The following USP25 variants were observed in gnomAD, a reference collection of about 807,000 sequenced individuals.
USP25 encodes the protein ubiquitin specific peptidase 25, also known as ubiquitin carboxyl-terminal hydrolase 25.
Under a neutral mutation model 158.5 loss-of-function variants are expected in USP25, and 85 were observed. That is an observed-to-expected ratio of 0.54 (90% CI 0.45 to 0.64). The LOEUF (loss-of-function observed/expected upper bound fraction) is 0.64, where lower values mean the gene tolerates loss of function less well. USP25 is among the 30% of genes least tolerant of loss of function. USP25 has a pLI of 0.00. For synonymous variants in USP25, 464 were observed against 460.4 expected (o/e 1.01, Z -0.10); for missense variants, 1,242 against 1,327.3 (o/e 0.94, Z 1.00).
chr21:15,757,229 T>A (rs2033440029), intron 1 of USP25, among the ~76,000 whole-genome samples: 1 of 152,188 alleles, frequency 6.6e-6, no homozygotes, highest in African/African-American at 2.4e-5. Flanking sequence ...TTCTCTAACT[T>A]AAACTTAGGA....
chr21:15,869,577 A>G (rs1452101043), intron 22 of USP25, among the ~76,000 whole-genome samples: 1 of 152,152 alleles, frequency 6.6e-6, no homozygotes, highest in Non-Finnish European at 1.5e-5. Flanking sequence ...TCGCCTACAC[A>G]CTTAAAGTCA....
chr21:15,759,867 A>AAAGATAATTTT (rs1268441499), intron 1 of USP25, among the ~76,000 whole-genome samples: 2 of 152,206 alleles, frequency 1.3e-5, no homozygotes, highest in African/African-American at 4.8e-5. Flanking sequence ...TGATAGGTTT[A>AAAGATAATTTT]AAGATAATTT....
Position 15,843,420 on chromosome 21 carries a change from G to T in USP25, c.2337+880G>T, listed in dbSNP as rs141912149. On this transcript the variant is annotated intron_variant, in intron 18 of 25. Coordinates refer to ENST00000400183, the MANE Select transcript of USP25 (RefSeq NM_001283041.3). The surrounding 1 kb of genome is among the most constrained non-coding windows in gnomAD (Gnocchi z 4.0). ...GCAATAACCTGCTAATTGCAATGAG[G>T]CCTTAAATATATAATAAGACTTCCT... Among the ~76,000 whole-genome samples the T allele has an allele frequency of 8.3e-3, 1,256 of 152,220 alleles. 10 individuals carry two copies. The highest frequency in any genetic ancestry group is 0.014 in the Non-Finnish European group (963 of 68,000).
intron 17 of USP25, among the ~76,000 whole-genome samples, chr21:15,836,134 A>C (rs912723169): frequency 1.3e-5 from 2 of 152,166 alleles, no homozygotes; most frequent in Non-Finnish European, 2.9e-5. Context: ...ACCAGTGACT[A>C]GTGGAAATAA....
chr21:15,850,057 C>A (rs1050923496), intron 20 of USP25, among the ~76,000 whole-genome samples, 185 bp downstream of exon 20: 1 of 151,952 alleles, frequency 6.6e-6, no homozygotes, highest in Non-Finnish European at 1.5e-5. Context: ...TTGTTTTTCT[C>A]TTAATCCAGG....
intron 1 of USP25, among the ~76,000 whole-genome samples, chr21:15,750,833 C>T (rs1478518857): frequency 1.3e-5 from 2 of 148,212 alleles, no homozygotes; most frequent in East Asian, 3.9e-4. Flanking sequence ...GTCTCAATCT[C>T]CTGACCTTGT....
intron 1 of USP25, among the ~76,000 whole-genome samples, chr21:15,760,953 C>T (rs1048153825): frequency 6.6e-6 from 1 of 152,198 alleles, no homozygotes; most frequent in Non-Finnish European, 1.5e-5. Context: ...TCTCAATATC[C>T]TGCATAACAT....
chr21:15,824,640 A>G (rs1225949023), intron 11 of USP25, among the ~76,000 whole-genome samples: 1 of 151,608 alleles, frequency 6.6e-6, no homozygotes, highest in Non-Finnish European at 1.5e-5. Context: ...GTTTTGAGAC[A>G]GAGTCTTGCT....
At position 15,824,953 on chromosome 21, in the gene USP25, C is replaced by CT. The variant is rs1027313003; in HGVS notation, c.1209-8dup. 1 of 1,593,468 alleles carries CT rather than the reference C, an allele frequency of 6.3e-7. No individual in the cohort carries two copies. The highest frequency in any genetic ancestry group is 8.6e-7 in the Non-Finnish European group (1 of 1,164,104). On this transcript the variant is annotated splice_polypyrimidine_tract_variant and intron_variant, in intron 11 of 25. Transcript: ENST00000400183. Reference sequence around the variant, plus strand: ...GATATTCGGAAATGCTAATGATTACCTTTTTCTGATAGATACATGCACAGA... The same window carrying CT: ...GATATTCGGAAATGCTAATGATTACCTTTTTTCTGATAGATACATGCACAGA...
chr21:15,831,664 A>T, intron 16 of USP25, 35 bp downstream of exon 16: 1 of 1,561,592 alleles, frequency 6.4e-7, no homozygotes, highest in Non-Finnish European at 8.8e-7. Context: ...ATTTTTAAAT[A>T]GTCATAAAAG....
At chr21:15,878,121 GA>G (rs747971578) in intron 25 of USP25, 130 bp downstream of exon 25, 51 of 1,039,532 alleles carry the variant, frequency 4.9e-5, no homozygotes, top group Non-Finnish European at 6.6e-5. Context: ...ACATTCACAT[GA>G]TTACTCTTTT....
chr21:15,811,415 C>G (rs2036655988), intron 9 of USP25, among the ~76,000 whole-genome samples: 1 of 152,006 alleles, frequency 6.6e-6, no homozygotes. Context: ...TTATCACATA[C>G]TAATTAATAC....
chr21:15,782,721 A>T (rs1048891241), intron 4 of USP25, among the ~76,000 whole-genome samples: 1 of 152,126 alleles, frequency 6.6e-6, no homozygotes, highest in Admixed American at 6.6e-5. Context: ...GCCATTTCCA[A>T]TCAGCACCCT....
At chr21:15,836,521 A>G (rs1427340654) in intron 17 of USP25, among the ~76,000 whole-genome samples, 141 of 128,402 alleles carry the variant, frequency 1.1e-3, no homozygotes, top group East Asian at 2.0e-3. Flanking sequence ...GGGGATCAGA[A>G]TGAGTAGGGG....
chr21:15,751,442 T>C (rs984643573), intron 1 of USP25, among the ~76,000 whole-genome samples: 3 of 152,298 alleles, frequency 2.0e-5, no homozygotes, highest in Non-Finnish European at 2.9e-5. Flanking sequence ...TTAGAGCACG[T>C]TTATTTTGTT....
intron 9 of USP25, among the ~76,000 whole-genome samples, chr21:15,815,321 G>A (rs1358230004): frequency 6.6e-6 from 1 of 152,204 alleles, no homozygotes; most frequent in African/African-American, 2.4e-5. Context: ...GAGAAATGTG[G>A]GGTTGGAGCC....
In USP25 at chr21:15,771,284, T is replaced by C. The variant is rs557364992; in HGVS notation, c.268+5143T>C. On this transcript the variant is annotated intron_variant, in intron 3 of 25. Coordinates refer to ENST00000400183, the MANE Select transcript of USP25 (RefSeq NM_001283041.3). The stretch of plus-strand genomic sequence containing the variant: ...CTTGTGGGCTGGGCATAGGATAATA[T>C]GTGATTTTAGGTAGTGTGGAAGAGC... Among the ~76,000 whole-genome samples the C allele has an allele frequency of 4.0e-5, 6 of 150,764 alleles. No individual in the cohort carries two copies. In the South Asian group the frequency reaches 1.3e-3, roughly 31 times the overall value.
At chr21:15,863,193 CAG>C (rs2039508126) in intron 20 of USP25, among the ~76,000 whole-genome samples, 1 of 151,848 alleles carries the variant, frequency 6.6e-6, no homozygotes, top group Admixed American at 6.6e-5. Context: ...TCTATATGGT[CAG>C]ATATTTTCTA....
intron 20 of USP25, 74 bp downstream of exon 20, chr21:15,849,946 A>C (rs1305343996): frequency 8.5e-7 from 1 of 1,176,294 alleles, no homozygotes; most frequent in Non-Finnish European, 1.2e-6. Flanking sequence ...TATTTCTTTG[A>C]ATTCAGTTTG....
Sources: gnomAD v4.1 joint callset for allele counts (sites outside exome capture counted in the v4.1 genomes callset) on GRCh38, gnomAD v4.1.1 for gene constraint, Gnocchi (gnomAD v3.1) non-coding constraint, MANE v1.5 for transcripts, NCBI Gene and HGNC (gene_info 2026-07-23, HGNC 2026-07-21) for gene names.